Variants in CTNNA2 observed in about 807,000 individuals in gnomAD.
The protein encoded by CTNNA2 is catenin alpha 2, also known as catenin alpha-2.
Under a neutral mutation model 101.0 loss-of-function variants are expected in CTNNA2, and 42 were observed. The ratio of observed to expected loss-of-function variants is 0.42; its 90% CI spans 0.32 to 0.54. The LOEUF is 0.54. Ranked by LOEUF, CTNNA2 falls within the 20% of genes least tolerant of loss-of-function variation. The pLI is 0.14. For missense variants in CTNNA2, 871 were observed against 1,223.1 expected, an observed-to-expected ratio of 0.71 and a Z score of 4.29; for synonymous variants, 450 against 456.4, an observed-to-expected ratio of 0.99 and a Z score of 0.18.
intron 2 of CTNNA2, among the ~76,000 whole-genome samples, chr2:79,735,302 A>G (rs1044555015): frequency 1.3e-5 from 2 of 152,160 alleles, no homozygotes; most frequent in Non-Finnish European, 2.9e-5. Flanking sequence ...GAACAGGTGC[A>G]TGAAGAAAAG....
intron 7 of CTNNA2, among the ~76,000 whole-genome samples, chr2:80,222,002 C>T (rs1708602185): frequency 6.6e-6 from 1 of 152,292 alleles, no homozygotes; most frequent in South Asian, 2.1e-4. Context: ...TGCTCAGACT[C>T]CTGGAAGGCT....
intron 7 of CTNNA2, among the ~76,000 whole-genome samples, chr2:80,070,334 G>A (rs1698247891): frequency 6.6e-6 from 1 of 152,190 alleles, no homozygotes; most frequent in East Asian, 1.9e-4. Flanking sequence ...AGTGAGAAGT[G>A]TATTAGTTTC....
At chr2:79,460,906 A>G (rs879697742) in intron 4 of CTNNA2, among the ~76,000 whole-genome samples, 21 of 151,540 alleles carry the variant, frequency 1.4e-4, no homozygotes, top group Admixed American at 5.3e-4. Flanking sequence ...CAGTGGTGCT[A>G]TCTCTACTCA....
chr2:79,889,255 G>A (rs1684127915), intron 6 of CTNNA2, among the ~76,000 whole-genome samples: 3 of 152,124 alleles, frequency 2.0e-5, no homozygotes, highest in Admixed American at 6.5e-5. Flanking sequence ...ACTGCTCAAC[G>A]TATTTCCTGA....
chr2:80,040,114 T>G (rs1695942196), intron 7 of CTNNA2, among the ~76,000 whole-genome samples: 1 of 152,200 alleles, frequency 6.6e-6, no homozygotes, highest in African/African-American at 2.4e-5. Context: ...TTTGTACCAT[T>G]TTGTTGGATC....
intron 7 of CTNNA2, among the ~76,000 whole-genome samples, chr2:80,034,216 A>C (rs990074252): frequency 2.0e-5 from 3 of 152,048 alleles, no homozygotes; most frequent in African/African-American, 7.2e-5. Flanking sequence ...CATCCCTATA[A>C]AAAGAGATTT....
intron 7 of CTNNA2, among the ~76,000 whole-genome samples, chr2:80,245,458 A>C (rs1165490099): frequency 6.6e-6 from 1 of 152,240 alleles, no homozygotes; most frequent in Non-Finnish European, 1.5e-5. Context: ...TTTAGATCAC[A>C]TTCACAACGA....
At chr2:79,259,274 A>T (rs756667757) in intron 2 of CTNNA2, among the ~76,000 whole-genome samples, 3 of 152,164 alleles carry the variant, frequency 2.0e-5, no homozygotes, top group Non-Finnish European at 4.4e-5. Flanking sequence ...ATATCAGCCT[A>T]CTTTACTTCT....
At chr2:80,588,101 G>C (rs1273653630) in intron 14 of CTNNA2, among the ~76,000 whole-genome samples, 1 of 152,066 alleles carries the variant, frequency 6.6e-6, no homozygotes, top group Non-Finnish European at 1.5e-5. Flanking sequence ...ATGTTTAATG[G>C]GTGTTTCTGT....
intron 9 of CTNNA2, among the ~76,000 whole-genome samples, chr2:80,484,868 A>T (rs182581871): frequency 0.01 from 1,565 of 152,004 alleles, 24 homozygotes; most frequent in African/African-American, 0.035. Flanking sequence ...TAGCCGGGCA[A>T]GGTGGTGGGC....
chr2:80,229,515 A>G (rs1338214437), intron 7 of CTNNA2, among the ~76,000 whole-genome samples: 2 of 152,230 alleles, frequency 1.3e-5, no homozygotes, highest in African/African-American at 4.8e-5. Flanking sequence ...TGCCAAGGCA[A>G]GATATGAGGG....
chr2:79,451,385 T>G (rs1670746821), intron 4 of CTNNA2, among the ~76,000 whole-genome samples: 1 of 152,048 alleles, frequency 6.6e-6, no homozygotes, highest in South Asian at 2.1e-4. Context: ...TTTTATTACA[T>G]TAAATACATT....
chr2:80,259,656 G>T (rs1314684311), intron 7 of CTNNA2, among the ~76,000 whole-genome samples: 2 of 152,152 alleles, frequency 1.3e-5, no homozygotes, highest in Non-Finnish European at 2.9e-5. Flanking sequence ...AGCAACTCAA[G>T]AATTTTCTTT....
intron 3 of CTNNA2, among the ~76,000 whole-genome samples, chr2:79,348,303 A>C (rs1677308618): frequency 6.6e-6 from 1 of 152,218 alleles, no homozygotes; most frequent in Non-Finnish European, 1.5e-5. Flanking sequence ...ACTGAGGTTT[A>C]GAATGGCTGA....
intron 3 of CTNNA2, among the ~76,000 whole-genome samples, chr2:79,854,702 G>A (rs1680991500): frequency 6.6e-6 from 1 of 152,136 alleles, no homozygotes; most frequent in Non-Finnish European, 1.5e-5. Context: ...AGGTTGTAGT[G>A]GCTAGAGGAC....
intron 7 of CTNNA2, among the ~76,000 whole-genome samples, chr2:80,343,439 C>A (rs925491644): frequency 3.3e-5 from 5 of 149,730 alleles, no homozygotes; most frequent in African/African-American, 1.2e-4. Context: ...TAAAAAAAAT[C>A]TCCAGTGTTC....
chr2:80,110,729 C>G (rs1195108319), intron 7 of CTNNA2, among the ~76,000 whole-genome samples: 1 of 152,190 alleles, frequency 6.6e-6, no homozygotes, highest in East Asian at 1.9e-4. Flanking sequence ...AGGTCTTCCC[C>G]TGTGTGGAAG....
chr2:79,192,955 T>C (rs536430210), intron 1 of CTNNA2, among the ~76,000 whole-genome samples: 11 of 152,268 alleles, frequency 7.2e-5, no homozygotes, highest in Admixed American at 2.0e-4. Flanking sequence ...TCCTACCCAA[T>C]CACATTCATT....
chr2:80,143,592 C>A (rs1703148609), intron 7 of CTNNA2, among the ~76,000 whole-genome samples: 1 of 152,078 alleles, frequency 6.6e-6, no homozygotes, highest in Non-Finnish European at 1.5e-5. Context: ...CACCCATGGA[C>A]CCTCCCCAAG....
Sources: gnomAD v4.1 joint callset for allele counts (sites outside exome capture counted in the v4.1 genomes callset) on GRCh38, gnomAD v4.1.1 for gene constraint, MANE v1.5 for transcripts, NCBI Gene and HGNC (gene_info 2026-07-23, HGNC 2026-07-21) for gene names.